Variants in PDLIM5 observed in about 807,000 individuals in gnomAD.
The protein encoded by PDLIM5 is PDZ and LIM domain 5, also known as PDZ and LIM domain protein 5.
A neutral mutation model predicts 64.2 loss-of-function variants in PDLIM5; 34 were observed. That is an observed-to-expected ratio of 0.53 (90% CI 0.40 to 0.71). The LOEUF (loss-of-function observed/expected upper bound fraction) is 0.71. PDLIM5 is among the 30% of genes least tolerant of loss of function. The probability of loss-of-function intolerance (pLI) is 0.00; values close to 1 mark genes in which losing one functional copy is unlikely to be tolerated. For missense variants in PDLIM5, 683 were observed against 733.6 expected (o/e 0.93, Z 0.80); for synonymous variants, 253 against 269.1 (o/e 0.94, Z 0.59).
At chr4:94,480,671 C>T (rs1204123406) in intron 2 of PDLIM5, among the ~76,000 whole-genome samples, 1 of 152,126 alleles carries the variant, frequency 6.6e-6, no homozygotes, top group Non-Finnish European at 1.5e-5. Context: ...AGGCTTTCCC[C>T]CTCCTTCTAC....
chr4:94,502,293 A>G (rs1485341002), intron 2 of PDLIM5, among the ~76,000 whole-genome samples: 1 of 152,214 alleles, frequency 6.6e-6, no homozygotes, highest in Non-Finnish European at 1.5e-5. Context: ...ACTATATTTA[A>G]GTAGGAAGAA....
rs192166879 is a variant in PDLIM5 at position 94,656,005 on chromosome 4, A to G, written c.1464+1365A>G. Among the ~76,000 whole-genome samples, 3 of 152,292 alleles carry G rather than the reference A, an allele frequency of 2.0e-5. No individual in the cohort carries two copies. The East Asian group carries it at 5.8e-4, about 29-fold the overall frequency. ...TCTTCCCATTGTCCTTCAGTAGTGA[A>G]CTGTGACAATTTCTATGGCTAATAA... is the stretch of plus-strand genomic sequence containing the variant. On this transcript the variant is annotated intron_variant, in intron 10 of 12. Transcript: ENST00000317968.
intron 3 of PDLIM5, among the ~76,000 whole-genome samples, chr4:94,525,318 T>C (rs1281115978): frequency 5.3e-5 from 8 of 152,068 alleles, no homozygotes; most frequent in Admixed American, 3.9e-4. Context: ...ACTTGGGGGC[T>C]GAGGCAGGAG....
At chr4:94,563,993 T>G (rs981380136) in intron 3 of PDLIM5, among the ~76,000 whole-genome samples, 1 of 149,824 alleles carries the variant, frequency 6.7e-6, no homozygotes, top group Non-Finnish European at 1.5e-5. Flanking sequence ...AGACAGAGTC[T>G]TACTCTGTCT....
At chr4:94,644,901 G>A (rs1274071729) in intron 9 of PDLIM5, among the ~76,000 whole-genome samples, 1 of 141,986 alleles carries the variant, frequency 7.0e-6, no homozygotes, top group East Asian at 2.2e-4. Context: ...CCAGAGGATT[G>A]ATATTATTCT....
intron 2 of PDLIM5, among the ~76,000 whole-genome samples, chr4:94,517,208 G>A (rs1321488282): frequency 6.6e-6 from 1 of 152,142 alleles, no homozygotes; most frequent in African/African-American, 2.4e-5. Flanking sequence ...AGGAAAGCAA[G>A]TTCTGTGAAA....
chr4:94,570,357 A>G, intron 3 of PDLIM5, among the ~76,000 whole-genome samples: 1 of 152,208 alleles, frequency 6.6e-6, no homozygotes, highest in East Asian at 1.9e-4. Flanking sequence ...AAAAAGATGT[A>G]CGTATTAGTT....
At chr4:94,610,478 T>C (rs1738283521) in intron 7 of PDLIM5, among the ~76,000 whole-genome samples, 1 of 152,256 alleles carries the variant, frequency 6.6e-6, no homozygotes, top group African/African-American at 2.4e-5. Flanking sequence ...TATTTGTTAC[T>C]GGTTTTTTCT....
rs969411444 is a variant in PDLIM5 at position 94,456,909 on chromosome 4, C to T, written c.96+1525C>T. ...GTGATATTATTCCCATTGTATATAA[C>T]TGTGCTGTGCGCTCACATGACTGTA... On this transcript the variant is annotated intron_variant, in intron 2 of 12. Transcript: ENST00000317968. The T allele has an allele frequency of 6.9e-6, 7 of 1,016,826 alleles. No individual in the cohort carries two copies. In the African/African-American group the frequency reaches 6.9e-5, roughly 10 times the overall value. 63.0% of individuals were successfully genotyped at this position (1,016,826 alleles called of 1,614,324 possible). A position where few individuals can be genotyped will look rare whatever the true frequency, so the allele number is the denominator to read the frequency against.
intron 5 of PDLIM5, among the ~76,000 whole-genome samples, chr4:94,582,263 A>C (rs1735794699): frequency 1.3e-5 from 2 of 152,140 alleles, no homozygotes; most frequent in African/African-American, 4.8e-5. Flanking sequence ...GTGATTCTAA[A>C]ATGATCTATT....
intron 10 of PDLIM5, among the ~76,000 whole-genome samples, chr4:94,655,321 T>C (rs1272101387): frequency 1.3e-5 from 2 of 152,150 alleles, no homozygotes. Flanking sequence ...GGGTCAGGCA[T>C]ACTTTATGGT....
intron 2 of PDLIM5, 37 bp downstream of exon 2, chr4:94,455,421 T>C: frequency 7.9e-7 from 1 of 1,266,556 alleles, no homozygotes; most frequent in Non-Finnish European, 1.2e-6. Context: ...TAGATGTTCA[T>C]TCAGTGCTTA....
rs369004178 is a variant in PDLIM5, at chr4:94,507,113, C to G, written c.97-16611C>G. Among the ~76,000 whole-genome samples, 8 of 152,202 alleles carry G rather than the reference C, an allele frequency of 5.3e-5. No homozygotes were observed. The East Asian group carries it at 1.4e-3, about 26-fold the overall frequency. Reference sequence around the variant, plus strand: ...CGTCTCTGCTTTTGAGGCTTTTGAACTCCGACTGAGCCACTACTGGCTTCT... The same window carrying G: ...CGTCTCTGCTTTTGAGGCTTTTGAAGTCCGACTGAGCCACTACTGGCTTCT... On this transcript the variant is annotated intron_variant, in intron 2 of 12. Coordinates refer to ENST00000317968, the MANE Select transcript of PDLIM5 (RefSeq NM_006457.5).
chr4:94,453,007 T>TC (rs1723005551), intron 1 of PDLIM5, among the ~76,000 whole-genome samples: 1 of 152,196 alleles, frequency 6.6e-6, no homozygotes, highest in African/African-American at 2.4e-5. Context: ...CCTTTTTTTT[T>TC]GTCACTCTGT....
intron 7 of PDLIM5, among the ~76,000 whole-genome samples, chr4:94,612,604 A>G (rs1738466329): frequency 6.6e-6 from 1 of 152,194 alleles, no homozygotes; most frequent in African/African-American, 2.4e-5. Flanking sequence ...CCCCACCTCT[A>G]GAGCGAGTAT....
intron 2 of PDLIM5, among the ~76,000 whole-genome samples, chr4:94,480,565 G>A (rs1159054046): frequency 6.6e-6 from 1 of 152,214 alleles, no homozygotes; most frequent in Non-Finnish European, 1.5e-5. Flanking sequence ...GAAAACTGCA[G>A]AGAAGGCATG....
At chr4:94,458,388 T>C (rs1297977442) in intron 2 of PDLIM5, among the ~76,000 whole-genome samples, 1 of 152,148 alleles carries the variant, frequency 6.6e-6, no homozygotes, top group Non-Finnish European at 1.5e-5. Context: ...TTATCTTTTA[T>C]AATAATATTA....
chr4:94,570,803 G>A (rs1347345869), intron 3 of PDLIM5, among the ~76,000 whole-genome samples: 7 of 152,146 alleles, frequency 4.6e-5, no homozygotes, highest in Non-Finnish European at 1.5e-5. Context: ...TGGCCATGCT[G>A]TGGGAAACTT....
chr4:94,660,380 G>A (rs991608252), intron 11 of PDLIM5, among the ~76,000 whole-genome samples: 8 of 151,876 alleles, frequency 5.3e-5, no homozygotes, highest in South Asian at 2.1e-4. Context: ...GTTTTTCTGC[G>A]GCGATTCCTC....
Sources: allele counts gnomAD v4.1 joint callset (sites outside exome capture counted in the v4.1 genomes callset), GRCh38; gene constraint gnomAD v4.1.1; transcripts MANE v1.5; gene names NCBI Gene and HGNC (gene_info 2026-07-23, HGNC 2026-07-21).